KRT73: variants seen among roughly 807,000 people sequenced by gnomAD.
KRT73 encodes the protein keratin 73.
KRT73 carries 44 observed loss-of-function variants against 47.2 expected under a neutral mutation model. The observed-to-expected ratio is 0.93, with a 90% confidence interval of 0.73 to 1.20. The LOEUF (loss-of-function observed/expected upper bound fraction) is 1.20. Among genes scored for constraint, KRT73 ranks in the 50% most tolerant of loss-of-function variants. The probability of loss-of-function intolerance (pLI) is 0.00; values close to 1 mark genes in which losing one functional copy is unlikely to be tolerated. For synonymous variants in KRT73, 285 were observed against 291.3 expected, an observed-to-expected ratio of 0.98 and a Z score of 0.22; for missense variants, 713 against 704.5, an observed-to-expected ratio of 1.01 and a Z score of -0.14.
the KRT73 span, among the ~76,000 whole-genome samples, chr12:52,624,927 T>C: frequency 0.021 from 3,135 of 152,144 alleles, 239 homozygotes; most frequent in Admixed American, 0.15. Context: ...AGTAATTATA[T>C]ACAAATAGGC....
rs946749766 is a variant in KRT73 at position 52,609,339 on chromosome 12, C to A, written c.1332-58G>T. ...TCACGTGGACTCCCATAGTGGCCCT[C>A]ACTGCCTAAACACAGGCTGGGGATC... On this transcript the variant is annotated intron_variant, in intron 7 of 8. Transcript: ENST00000305748. 4 of 1,454,008 alleles carry A rather than the reference C, an allele frequency of 2.8e-6. No individual in the cohort carries two copies. The South Asian group carries it at 4.6e-5, about 17-fold the overall frequency. The allele number at this position is 1,454,008 out of a possible 1,614,324, so 90.1% of individuals were successfully genotyped here. A position where few individuals can be genotyped will look rare whatever the true frequency, so the allele number is the denominator to read the frequency against.
chr12:52,629,874 C>G, the KRT73 span, among the ~76,000 whole-genome samples: 1 of 152,156 alleles, frequency 6.6e-6, no homozygotes, highest in African/African-American at 2.4e-5. Context: ...GCTCACCCTC[C>G]CAACCCACAG....
In KRT73 at chr12:52,618,370, C is replaced by G. The variant is rs1384332315; in HGVS notation, c.155G>C (p.Gly52Ala). The G allele has an allele frequency of 6.2e-7, 1 of 1,614,230 alleles. No individual in the cohort carries two copies. The highest frequency in any genetic ancestry group is 8.5e-7 in the Non-Finnish European group (1 of 1,180,056). The change falls in exon 1 of 9, where the codon GGG becomes GCG. Residue 52 changes from glycine (G) to alanine (A), a missense_variant. Transcript: ENST00000305748. ...GFSSRSLYSL[G>A]GARSISFNVA... ...ATTGAAAGAGATGCTCCGGGCACCC[C>G]CCAGGCTGTAAAGGCTCCGACTGCT... is the stretch of plus-strand genomic sequence containing the variant.
At chr12:52,614,094 C>G in intron 4 of KRT73, 1 of 474,852 alleles carries the variant, frequency 2.1e-6, no homozygotes, top group Non-Finnish European at 3.7e-6. Context: ...TGAGACAGGA[C>G]AGGAGTGGGG....
At position 52,616,255 on chromosome 12, in the gene KRT73, C is replaced by T; in HGVS notation, c.573G>A (p.Arg191=). ...CCCCAGACAGCGTCTCCAGCTGCTT[C>T]CGCAGGTTGCTGATGTAGCCCTCAA... ...PILEGYISNL[R]KQLETLSGDR... Residue 191 remains arginine, a synonymous_variant, in exon 2 of 9, where the codon CGG becomes CGA. Coordinates refer to ENST00000305748, the MANE Select transcript of KRT73 (RefSeq NM_175068.3). 1 of 1,614,190 alleles carries T rather than the reference C, an allele frequency of 6.2e-7. No homozygotes were observed.
Position 52,611,265 on chromosome 12 carries a change from A to T in KRT73, c.1049T>A (p.Ile350Asn). The T allele has an allele frequency of 6.2e-7, 1 of 1,613,884 alleles. No homozygotes were observed. The highest frequency in any genetic ancestry group is 1.1e-5 in the South Asian group (1 of 91,050). The change falls in exon 6 of 9, where the codon ATC becomes AAC. Residue 350 changes from isoleucine (I) to asparagine (N), a missense_variant. By Grantham distance (149) the Ile-to-Asn change is moderately radical. Transcript: ENST00000305748. The stretch of plus-strand genomic sequence containing the variant: ...TTGGATGAGACGGGTCAGCTCTGAG[A>T]TCTCATTTTTGGTGTGTTTCAGGTC... ...GDDLKHTKNE[I>N]SELTRLIQRL... is the part of the protein sequence containing the mutation.
intron 4 of KRT73, 172 bp from the exon 5 acceptor site, chr12:52,614,024 G>A (rs1940760284): frequency 1.1e-6 from 1 of 914,720 alleles, no homozygotes. Flanking sequence ...TACCACATCT[G>A]AAAACTGCTG....
At chr12:52,620,943 C>T (rs979537101), upstream of KRT73, among the ~76,000 whole-genome samples, 1 of 151,938 alleles carries the variant, frequency 6.6e-6, no homozygotes, top group Non-Finnish European at 1.5e-5. Context: ...AGATCCAGGT[C>T]CTATCCTCCC....
intron 5 of KRT73, 45 bp from the exon 6 acceptor site, chr12:52,611,374 G>A (rs369317708): frequency 3.6e-5 from 58 of 1,611,022 alleles, no homozygotes; most frequent in Non-Finnish European, 4.7e-5. Flanking sequence ...TCAGGGCTTG[G>A]CTGGGATCAG....
chr12:52,614,074 G>A, intron 4 of KRT73: 1 of 543,964 alleles, frequency 1.8e-6, no homozygotes. Flanking sequence ...CAGCCCATAT[G>A]TCTGTCCCCT....
Position 52,610,805 on chromosome 12 carries a change from C to G in KRT73, c.1141G>C (p.Ala381Pro), listed in dbSNP as rs753021440. 1 of 1,612,972 alleles carries G rather than the reference C, an allele frequency of 6.2e-7. No individual in the cohort carries two copies. Among genetic ancestry groups the G allele is most frequent in the South Asian group, 1.1e-5 (1 of 91,052 alleles). Residue 381 changes from alanine (A) to proline (P), a missense_variant, in exon 7 of 9, where the codon GCC becomes CCC. Transcript: ENST00000305748. ...AGGGCACAGTCCCCCCGCTGCTCGG[C>G]GTCAGCGATGGCCGTCTCCAGGTTG... The part of the protein sequence containing the change: ...CANLETAIAD[A>P]EQRGDCALKD...
chr12:52,618,726 G>T (rs929005185), upstream of KRT73, among the ~76,000 whole-genome samples: 4 of 152,222 alleles, frequency 2.6e-5, no homozygotes, highest in African/African-American at 9.6e-5. Context: ...AACTCCCAAA[G>T]TGCTAGTCTT....
chr12:52,621,366 A>G (rs1940902924), upstream of KRT73, among the ~76,000 whole-genome samples: 1 of 152,160 alleles, frequency 6.6e-6, no homozygotes. Context: ...GGGGCAATCA[A>G]ATAAATATTG....
the KRT73 span, among the ~76,000 whole-genome samples, chr12:52,624,499 C>T: frequency 6.6e-6 from 1 of 151,974 alleles, no homozygotes; most frequent in Admixed American, 6.5e-5. Context: ...CAAGATAGGC[C>T]ATACTCTGGG....
chr12:52,614,239 A>C, intron 4 of KRT73: 1 of 343,496 alleles, frequency 2.9e-6, no homozygotes, highest in South Asian at 5.7e-5. Flanking sequence ...AGGACTTCCT[A>C]CCTCTATCCC....
In KRT73 at chr12:52,611,285, C is replaced by T. The variant is rs1462383561; in HGVS notation, c.1029G>A (p.Leu343=). ...CTGAGATCTCATTTTTGGTGTGTTTCAGGTCATCCCCATGCCGGCCGGCTG... is the reference window on the plus strand; with the variant it reads ...CTGAGATCTCATTTTTGGTGTGTTTTAGGTCATCCCCATGCCGGCCGGCTG... The part of the protein sequence containing the change: ...QLAAGRHGDD[L]KHTKNEISEL... The change falls in exon 6 of 9, where the codon CTG becomes CTA. Residue 343 remains leucine, a synonymous_variant. Coordinates refer to ENST00000305748, the MANE Select transcript of KRT73 (RefSeq NM_175068.3). 6.2e-7 allele frequency: 1 copy of T among 1,614,130 alleles called. No homozygotes were observed. Among genetic ancestry groups the T allele is most frequent in the South Asian group, 1.1e-5 (1 of 91,064 alleles).
chr12:52,614,036 A>G (rs1328591440), intron 4 of KRT73, 184 bp from the exon 5 acceptor site: 11 of 823,468 alleles, frequency 1.3e-5, no homozygotes, highest in African/African-American at 3.4e-5. Flanking sequence ...AAACTGCTGA[A>G]TGGGTTTGAA....
chr12:52,611,612 T>G (rs185021179), intron 5 of KRT73, among the ~76,000 whole-genome samples: 19 of 152,296 alleles, frequency 1.2e-4, no homozygotes, highest in Non-Finnish European at 2.5e-4. Context: ...ATTATGACGT[T>G]CCTCTGCCTA....
At chr12:52,622,537 A>G (rs1940922082), upstream of KRT73, among the ~76,000 whole-genome samples, 2 of 152,204 alleles carry the variant, frequency 1.3e-5, no homozygotes, top group Non-Finnish European at 2.9e-5. Flanking sequence ...AGTGGTGAAG[A>G]GACCACACGT....
Sources: allele counts gnomAD v4.1 joint callset (sites outside exome capture counted in the v4.1 genomes callset), GRCh38; gene constraint gnomAD v4.1.1; transcripts MANE v1.5; gene names NCBI Gene and HGNC (gene_info 2026-07-23, HGNC 2026-07-21).